The following FAM117B variants were observed in gnomAD, a reference collection of about 807,000 sequenced individuals.
FAM117B encodes family with sequence similarity 117 member B.
FAM117B carries 22 observed loss-of-function variants against 52.8 expected under a neutral mutation model. The observed-to-expected ratio is 0.42, with a 90% CI of 0.30 to 0.59. The LOEUF is 0.59. Ranked by LOEUF, FAM117B falls within the 20% of genes least tolerant of loss-of-function variation. FAM117B has a pLI of 0.22. For synonymous variants in FAM117B, 309 were observed against 324.1 expected (o/e 0.95, Z 0.50); for missense variants, 678 against 802.6 (o/e 0.84, Z 1.88).
intron 4 of FAM117B, among the ~76,000 whole-genome samples, chr2:202,739,147 C>G (rs938331375): frequency 3.3e-5 from 5 of 152,180 alleles, no homozygotes; most frequent in African/African-American, 1.2e-4. Flanking sequence ...TGAGATCATG[C>G]TGCTGCACTC....
chr2:202,705,896 A>G (rs1690863073), intron 2 of FAM117B, among the ~76,000 whole-genome samples: 1 of 152,110 alleles, frequency 6.6e-6, no homozygotes, highest in South Asian at 2.1e-4. Context: ...CTCAGAAGGT[A>G]TTTTCTTTCC....
At chr2:202,725,114 C>CT in intron 3 of FAM117B, 105 bp downstream of exon 3, 1 of 763,036 alleles carries the variant, frequency 1.3e-6, no homozygotes, top group Non-Finnish European at 2.1e-6. Context: ...CCATTGATTT[C>CT]TTTTTTCTTT....
intron 4 of FAM117B, among the ~76,000 whole-genome samples, chr2:202,750,593 T>TC (rs981615853): frequency 2.6e-5 from 4 of 152,212 alleles, no homozygotes; most frequent in Non-Finnish European, 4.4e-5. Flanking sequence ...AGTTAGGGCT[T>TC]CAACATATGA....
At chr2:202,749,513 A>G (rs945515533) in intron 4 of FAM117B, among the ~76,000 whole-genome samples, 41 of 152,062 alleles carry the variant, frequency 2.7e-4, no homozygotes, top group African/African-American at 9.9e-4. Context: ...ATATGTATAT[A>G]GAAGAAAAAG....
At chr2:202,721,882 C>A (rs1691157442) in intron 2 of FAM117B, among the ~76,000 whole-genome samples, 1 of 151,978 alleles carries the variant, frequency 6.6e-6, no homozygotes, top group African/African-American at 2.4e-5. Context: ...GATCCTGTAG[C>A]CTTGGCCTCT....
intron 1 of FAM117B, among the ~76,000 whole-genome samples, chr2:202,673,065 G>A (rs952648426): frequency 1.3e-5 from 2 of 152,062 alleles, no homozygotes; most frequent in African/African-American, 2.4e-5. Context: ...AAACAAAAAG[G>A]ACTTAAAGTA....
At chr2:202,695,131 T>C (rs1458265669) in intron 1 of FAM117B, among the ~76,000 whole-genome samples, 1 of 152,132 alleles carries the variant, frequency 6.6e-6, no homozygotes, top group East Asian at 1.9e-4. Flanking sequence ...CCCTGGAGAT[T>C]TAGATTTGCT....
chr2:202,704,888 C>A (rs955504538), intron 2 of FAM117B, among the ~76,000 whole-genome samples: 5 of 151,966 alleles, frequency 3.3e-5, no homozygotes, highest in Admixed American at 6.6e-5. Flanking sequence ...CAGGTGTGAG[C>A]CAGTGCGCCT....
At position 202,759,461 on chromosome 2, in the gene FAM117B, G is replaced by A. The variant is rs1337346000; in HGVS notation, c.1451+108G>A. 5 of 1,401,012 alleles carry A rather than the reference G, an allele frequency of 3.6e-6. No individual in the cohort carries two copies. The African/African-American group carries it at 5.9e-5, about 16-fold the overall frequency. The allele number at this position is 1,401,012 out of a possible 1,614,324, so 86.8% of individuals were successfully genotyped here. ...CTGGACTGCACTGATGCAGTCACAG[G>A]TCACACTGCAACCTCTACCTCCTTA... is the stretch of plus-strand genomic sequence containing the variant. On this transcript the variant is annotated intron_variant, in intron 7 of 7. Transcript: ENST00000392238.
intron 1 of FAM117B, among the ~76,000 whole-genome samples, chr2:202,651,450 G>A (rs1240471786): frequency 6.6e-6 from 1 of 150,814 alleles, no homozygotes; most frequent in Non-Finnish European, 1.5e-5. Context: ...TTGGCTCACT[G>A]CAACTCCCAT....
At chr2:202,751,224 C>T (rs1248652082) in intron 4 of FAM117B, among the ~76,000 whole-genome samples, 1 of 152,148 alleles carries the variant, frequency 6.6e-6, no homozygotes, top group African/African-American at 2.4e-5. Flanking sequence ...AAGTTTATAG[C>T]TCAGCTGACT....
rs537811028 is a variant in FAM117B at position 202,663,688 on chromosome 2, A to T, written c.601+27900A>T. On this transcript the variant is annotated intron_variant, in intron 1 of 7. Transcript: ENST00000392238. ...AACCTCTGCCTCCCAGGTTCAAGCG[A>T]TTCTCCTGCCTCAGCCTCCTGAGTA... Among the ~76,000 whole-genome samples, 26 of 150,728 alleles carry T rather than the reference A, an allele frequency of 1.7e-4. No homozygotes were observed. In the South Asian group the frequency reaches 5.4e-3, roughly 32 times the overall value.
At chr2:202,760,891 G>A (rs1691876413) in intron 7 of FAM117B, among the ~76,000 whole-genome samples, 1 of 152,140 alleles carries the variant, frequency 6.6e-6, no homozygotes, top group Admixed American at 6.5e-5. Flanking sequence ...CTTTTTTGGA[G>A]TTGTGCCTGC....
chr2:202,697,399 C>T (rs943134858), intron 2 of FAM117B, among the ~76,000 whole-genome samples: 8 of 152,110 alleles, frequency 5.3e-5, no homozygotes, highest in African/African-American at 1.9e-4. Flanking sequence ...ACAGTTACAG[C>T]TTTATTGCTA....
intron 4 of FAM117B, among the ~76,000 whole-genome samples, 195 bp from the exon 5 acceptor site, chr2:202,755,343 A>T (rs1359398357): frequency 6.6e-6 from 1 of 152,122 alleles, no homozygotes; most frequent in African/African-American, 2.4e-5. Flanking sequence ...TCAAAATCCT[A>T]CCTTCATTGT....
At chr2:202,764,499 G>T (rs932756658) in intron 7 of FAM117B, among the ~76,000 whole-genome samples, 2 of 151,942 alleles carry the variant, frequency 1.3e-5, no homozygotes, top group Non-Finnish European at 2.9e-5. Flanking sequence ...GGAACTCCTG[G>T]GTTCAAGTAA....
chr2:202,728,459 T>G (rs764607280), intron 4 of FAM117B, among the ~76,000 whole-genome samples: 1 of 152,218 alleles, frequency 6.6e-6, no homozygotes. Context: ...TTGTAAAGAC[T>G]AATAACTTTT....
chr2:202,703,238 T>C (rs529433738), intron 2 of FAM117B, among the ~76,000 whole-genome samples: 1 of 152,242 alleles, frequency 6.6e-6, no homozygotes, highest in Non-Finnish European at 1.5e-5. Context: ...TCTGTTTCCA[T>C]GAATTTGCCC....
At chr2:202,685,402 T>G (rs1690523702) in intron 1 of FAM117B, among the ~76,000 whole-genome samples, 1 of 152,216 alleles carries the variant, frequency 6.6e-6, no homozygotes. Context: ...TGCTTTATTA[T>G]ATATAAGTGT....
Sources: gnomAD v4.1 joint callset for allele counts (sites outside exome capture counted in the v4.1 genomes callset) on GRCh38, gnomAD v4.1.1 for gene constraint, MANE v1.5 for transcripts, NCBI Gene and HGNC (gene_info 2026-07-23, HGNC 2026-07-21) for gene names.